The following MGAT4C variants were observed in gnomAD, a reference collection of about 807,000 sequenced individuals.
MGAT4C encodes alpha-1,3-mannosyl-glycoprotein 4-beta-N-acetylglucosaminyltransferase C.
MGAT4C carries 19 observed loss-of-function variants against 40.1 expected under a neutral mutation model. The ratio of observed to expected loss-of-function variants is 0.47; its 90% CI spans 0.33 to 0.70. The LOEUF (loss-of-function observed/expected upper bound fraction) is 0.70. Ranked by LOEUF, MGAT4C falls within the 30% of genes least tolerant of loss-of-function variation. MGAT4C has a pLI of 0.02. For synonymous variants in MGAT4C, 181 were observed against 187.1 expected, an observed-to-expected ratio of 0.97 and a Z score of 0.27; for missense variants, 491 against 563.2, an observed-to-expected ratio of 0.87 and a Z score of 1.30.
chr12:86,354,241 C>G (rs1955252802), intron 3 of MGAT4C, among the ~76,000 whole-genome samples: 1 of 152,042 alleles, frequency 6.6e-6, no homozygotes, highest in African/African-American at 2.4e-5. Flanking sequence ...CTAATACAGA[C>G]AAACAAGTAA....
chr12:86,508,109 CA>C (rs1481528377), intron 2 of MGAT4C, among the ~76,000 whole-genome samples: 1 of 151,914 alleles, frequency 6.6e-6, no homozygotes, highest in Non-Finnish European at 1.5e-5. Context: ...GCACAATGTG[CA>C]GGTTAGTTAC....
intron 2 of MGAT4C, among the ~76,000 whole-genome samples, chr12:86,589,370 G>A (rs1236718376): frequency 1.3e-5 from 2 of 152,060 alleles, no homozygotes; most frequent in Non-Finnish European, 2.9e-5. Context: ...TTGAATCTCT[G>A]AATTGACCAA....
intron 3 of MGAT4C, among the ~76,000 whole-genome samples, chr12:86,358,972 T>C (rs1379660493): frequency 2.6e-5 from 4 of 152,112 alleles, no homozygotes; most frequent in African/African-American, 7.2e-5. Flanking sequence ...CTGCACCAGG[T>C]AGACCTAATA....
At chr12:86,373,540 T>C (rs1004019894) in intron 3 of MGAT4C, among the ~76,000 whole-genome samples, 1 of 151,922 alleles carries the variant, frequency 6.6e-6, no homozygotes, top group Non-Finnish European at 1.5e-5. Context: ...GATAAGTAGA[T>C]AAACAGTATC....
intron 2 of MGAT4C, among the ~76,000 whole-genome samples, chr12:86,032,441 T>C (rs1225343920): frequency 2.0e-5 from 3 of 149,860 alleles, no homozygotes; most frequent in Non-Finnish European, 4.5e-5. Flanking sequence ...TTTTGACTTT[T>C]TAATAATAGC....
chr12:86,434,333 A>G (rs1364878119), intron 3 of MGAT4C, among the ~76,000 whole-genome samples: 1 of 151,992 alleles, frequency 6.6e-6, no homozygotes, highest in Non-Finnish European at 1.5e-5. Flanking sequence ...ATAAATTTCC[A>G]TAGGGATTAC....
At chr12:86,739,574 T>C (rs1198686458) in intron 1 of MGAT4C, among the ~76,000 whole-genome samples, 2 of 151,132 alleles carry the variant, frequency 1.3e-5, no homozygotes, top group East Asian at 3.9e-4. Flanking sequence ...ATGCACAGAC[T>C]TTTCTTATCA....
intron 1 of MGAT4C, among the ~76,000 whole-genome samples, chr12:86,145,162 GC>G (rs1200839521): frequency 1.3e-5 from 2 of 151,996 alleles, no homozygotes; most frequent in African/African-American, 4.8e-5. Flanking sequence ...AACTTATATC[GC>G]TATCCACCTC....
At chr12:86,282,695 C>A (rs1280888853) in intron 4 of MGAT4C, among the ~76,000 whole-genome samples, 3 of 151,960 alleles carry the variant, frequency 2.0e-5, no homozygotes, top group Non-Finnish European at 4.4e-5. Flanking sequence ...TTTGTTCTGG[C>A]AATACTTAAT....
intron 1 of MGAT4C, among the ~76,000 whole-genome samples, chr12:86,114,976 C>T (rs1878145862): frequency 6.6e-6 from 1 of 151,862 alleles, no homozygotes; most frequent in Non-Finnish European, 1.5e-5. Context: ...GACAACCTAA[C>T]AGAATTCATC....
At chr12:86,214,269 C>T (rs1950588085) in intron 1 of MGAT4C, among the ~76,000 whole-genome samples, 1 of 152,120 alleles carries the variant, frequency 6.6e-6, no homozygotes, top group South Asian at 2.1e-4. Flanking sequence ...ATTCTCTGCT[C>T]AGATCAAAGC....
At position 85,957,657 on chromosome 12, in the gene MGAT4C, C is replaced by CAAAAAAAAAAAAAAGAA. The variant is rs1882870520; in HGVS notation, c.*21631_*21632insTTCTTTTTTTTTTTTTT. 9.9e-6 allele frequency: 1 copy of CAAAAAAAAAAAAAAGAA among 101,306 alleles called. No individual in the cohort carries two copies. The highest frequency in any genetic ancestry group is 1.9e-5 in the Non-Finnish European group (1 of 52,742). 6.3% of individuals were successfully genotyped at this position (101,306 alleles called of 1,614,324 possible). On this transcript the variant is annotated 3_prime_UTR_variant, in exon 5 of 5. Transcript: ENST00000611864. Reference sequence around the variant, plus strand: ...TTTACTGTAGAGTTGAATAAGAAAGCAAAAAAAAAAAAAAAAGAAAAAAGA... The same window carrying CAAAAAAAAAAAAAAGAA: ...TTTACTGTAGAGTTGAATAAGAAAGCAAAAAAAAAAAAAAGAAAAAAAAAAAAAAAAAAGAAAAAAGA...
chr12:86,276,596 A>T (rs1337236864), intron 4 of MGAT4C, among the ~76,000 whole-genome samples: 1 of 152,112 alleles, frequency 6.6e-6, no homozygotes, highest in Non-Finnish European at 1.5e-5. Flanking sequence ...TGCCTTTCTC[A>T]ACTTCTGGAA....
chr12:86,344,764 GTGTGTGTGTGTA>G (rs1954990401), intron 3 of MGAT4C, among the ~76,000 whole-genome samples: 1 of 150,764 alleles, frequency 6.6e-6, no homozygotes, highest in African/African-American at 2.5e-5. Context: ...GTATGTGTGT[GTGTGTGTGTGTA>G]GCGGCAAGAG....
At chr12:86,430,235 TA>T (rs1957007052) in intron 3 of MGAT4C, among the ~76,000 whole-genome samples, 1 of 152,228 alleles carries the variant, frequency 6.6e-6, no homozygotes, top group Non-Finnish European at 1.5e-5. Flanking sequence ...TATTTTGATT[TA>T]TCTGCTACAG....
chr12:86,440,364 T>C (rs947491099), intron 2 of MGAT4C, among the ~76,000 whole-genome samples: 2 of 151,504 alleles, frequency 1.3e-5, no homozygotes, highest in East Asian at 1.9e-4. Context: ...AAAAACAGAA[T>C]TAAAAACAAA....
intron 2 of MGAT4C, chr12:86,495,321 G>A (rs902222144): frequency 4.6e-5 from 7 of 152,014 alleles, no homozygotes; most frequent in African/African-American, 1.4e-4. Context: ...AGGACCTAAA[G>A]GAAGAACAAA....
At chr12:86,701,038 T>C (rs1453983855) in intron 2 of MGAT4C, among the ~76,000 whole-genome samples, 1 of 152,134 alleles carries the variant, frequency 6.6e-6, no homozygotes, top group Non-Finnish European at 1.5e-5. Context: ...ACTACTCTAT[T>C]TTTTCAAGAT....
At chr12:86,234,306 A>G (rs1951443819) in intron 1 of MGAT4C, among the ~76,000 whole-genome samples, 1 of 152,206 alleles carries the variant, frequency 6.6e-6, no homozygotes, top group Admixed American at 6.6e-5. Context: ...TTACAAGTAA[A>G]GAAAACAAAG....
Sources: allele counts gnomAD v4.1 joint callset (sites outside exome capture counted in the v4.1 genomes callset), GRCh38; gene constraint gnomAD v4.1.1; transcripts MANE v1.5; gene names NCBI Gene and HGNC (gene_info 2026-07-23, HGNC 2026-07-21).